ZMYND8: variants seen among roughly 807,000 people sequenced by gnomAD.
The protein encoded by ZMYND8 is zinc finger MYND-type containing 8.
ZMYND8 carries 37 observed loss-of-function variants against 140.8 expected under a neutral mutation model. The observed-to-expected ratio is 0.26, with a 90% confidence interval of 0.20 to 0.35. ZMYND8 has a LOEUF of 0.35. Among genes scored for constraint, ZMYND8 ranks in the 10% least tolerant of loss-of-function variants. ZMYND8 has a pLI of 1.00. For missense variants in ZMYND8, 1,068 were observed against 1,570.0 expected (o/e 0.68, Z 5.40); for synonymous variants, 592 against 597.1 (o/e 0.99, Z 0.12).
rs1324667888 is a variant in ZMYND8 at position 47,220,250 on chromosome 20, C to T, written c.3484+8G>A. 3 of 1,558,288 alleles carry T rather than the reference C, an allele frequency of 1.9e-6. No individual in the cohort carries two copies. The African/African-American group carries it at 4.1e-5, about 21-fold the overall frequency. On this transcript the variant is annotated splice_region_variant and intron_variant, in intron 21 of 22. Transcript: ENST00000471951. ...AAAGCACCGTTCGCCCACCAGGGGG[C>T]AACATACCAGAGCCTTGGTTGGAGC...
intron 10 of ZMYND8, among the ~76,000 whole-genome samples, chr20:47,277,006 G>A (rs752998721): frequency 3.3e-5 from 5 of 151,364 alleles, no homozygotes; most frequent in South Asian, 2.1e-4. Context: ...ACAAAACTTC[G>A]GCGAAAACAT....
At chr20:47,211,566 G>C (rs2035259508) in intron 22 of ZMYND8, among the ~76,000 whole-genome samples, 1 of 152,156 alleles carries the variant, frequency 6.6e-6, no homozygotes, top group Admixed American at 6.5e-5. Flanking sequence ...AGAAATAAGT[G>C]AAGAAGCTGA....
chr20:47,285,720 A>C, intron 8 of ZMYND8: 1 of 985,346 alleles, frequency 1.0e-6, no homozygotes, highest in Non-Finnish European at 1.2e-6. Flanking sequence ...TGCTGATAAA[A>C]CTGGGTACTA....
chr20:47,268,661 CA>C (rs1344386451), intron 11 of ZMYND8, among the ~76,000 whole-genome samples: 1 of 151,126 alleles, frequency 6.6e-6, no homozygotes, highest in Non-Finnish European at 1.5e-5. Context: ...CCTGTAACCC[CA>C]GCTGTTCAAG....
In ZMYND8 at chr20:47,262,425, G is replaced by A; in HGVS notation, c.1484C>T (p.Ser495Leu). 6.2e-7 allele frequency: 1 copy of A among 1,613,978 alleles called. No individual in the cohort carries two copies. ...SMDFLDKSTA[S>L]PASTKTGQAG... ...TTGTCCCGTCTTGGTGGAGGCTGGTGAAGCTGAAAAAGTATGGCATTGTTA... is the reference window on the plus strand; with the variant it reads ...TTGTCCCGTCTTGGTGGAGGCTGGTAAAGCTGAAAAAGTATGGCATTGTTA... Residue 495 changes from serine (S) to leucine (L), a missense_variant, in exon 12 of 23, where the codon TCA (serine) becomes TTA (leucine). Transcript: ENST00000471951.
chr20:47,332,004 C>A (rs549834145), intron 2 of ZMYND8, among the ~76,000 whole-genome samples: 1 of 152,152 alleles, frequency 6.6e-6, no homozygotes, highest in Non-Finnish European at 1.5e-5. Context: ...GAGTTCAAGA[C>A]CAGCCTGACC....
chr20:47,224,630 A>G, intron 18 of ZMYND8, 74 bp from the exon 19 acceptor site: 1 of 1,588,682 alleles, frequency 6.3e-7, no homozygotes, highest in Non-Finnish European at 8.5e-7. Flanking sequence ...CTGCCCCCAG[A>G]TTCAGGCAGA....
chr20:47,334,081 A>G (rs2081194263), intron 2 of ZMYND8, among the ~76,000 whole-genome samples: 2 of 152,220 alleles, frequency 1.3e-5, no homozygotes, highest in African/African-American at 4.8e-5. Flanking sequence ...TCTAATGCGA[A>G]GCCTATTGTA....
intron 2 of ZMYND8, chr20:47,320,241 A>C (rs1253541997): frequency 6.6e-6 from 1 of 152,252 alleles, no homozygotes; most frequent in Non-Finnish European, 1.5e-5. Context: ...GCCACTGCTA[A>C]CCAACCAAGG....
chr20:47,236,634 AC>A, intron 15 of ZMYND8, 118 bp from the exon 16 acceptor site: 1 of 1,090,116 alleles, frequency 9.2e-7, no homozygotes, highest in Non-Finnish European at 1.3e-6. Flanking sequence ...CTTTTAAATG[AC>A]AAAGATGCTC....
At position 47,212,652 on chromosome 20, in the gene ZMYND8, G is replaced by C; in HGVS notation, c.3558C>G (p.Pro1186=). ...TTDHQPHPNY[P]AQKYHSRSNK... ...CAGGTTCATACTTACACTTCTGGGC[G>C]GGGTAGTTGGGGTGCGGCTGGTGGT... is the stretch of plus-strand genomic sequence containing the variant. The change falls in exon 22 of 23, where the codon CCC becomes CCG. Residue 1186 remains proline, a synonymous_variant. Coordinates refer to ENST00000471951, the MANE Select transcript of ZMYND8 (RefSeq NM_001281775.3). The C allele has an allele frequency of 1.2e-6, 2 of 1,613,922 alleles. No homozygotes were observed. Among genetic ancestry groups the C allele is most frequent in the Non-Finnish European group, 1.7e-6 (2 of 1,179,860 alleles).
intron 2 of ZMYND8, among the ~76,000 whole-genome samples, chr20:47,317,121 T>C (rs1417405199): frequency 6.6e-6 from 1 of 151,550 alleles, no homozygotes; most frequent in Non-Finnish European, 1.5e-5. Flanking sequence ...CACACTCTCA[T>C]TTTGCCTTTT....
chr20:47,328,755 G>A (rs530446862), intron 2 of ZMYND8, among the ~76,000 whole-genome samples: 1 of 152,314 alleles, frequency 6.6e-6, no homozygotes, highest in Non-Finnish European at 1.5e-5. Flanking sequence ...ACCGTGCCTG[G>A]CCAAGTTAGT....
At chr20:47,232,768 T>C (rs1408708628) in intron 16 of ZMYND8, among the ~76,000 whole-genome samples, 3 of 152,168 alleles carry the variant, frequency 2.0e-5, no homozygotes, top group South Asian at 2.1e-4. Flanking sequence ...CACCTACTTA[T>C]ATCACTAACG....
At chr20:47,335,228 A>G (rs2081297412) in intron 2 of ZMYND8, among the ~76,000 whole-genome samples, 1 of 152,120 alleles carries the variant, frequency 6.6e-6, no homozygotes, top group African/African-American at 2.4e-5. Context: ...CTTGGGCGAC[A>G]GAGAGAGACC....
chr20:47,226,699 T>A (rs1486083247), intron 18 of ZMYND8, among the ~76,000 whole-genome samples: 2 of 152,166 alleles, frequency 1.3e-5, no homozygotes, highest in Admixed American at 1.3e-4. Context: ...GATCCCTTTA[T>A]CACAACAGTT....
rs554842900 is a variant in ZMYND8, at chr20:47,282,595, C to G, written c.883-378G>C. Among the ~76,000 whole-genome samples the G allele has an allele frequency of 1.0e-3, 153 of 152,206 alleles. 3 individuals are homozygous for G. The South Asian group carries it at 0.031, about 31-fold the overall frequency. On this transcript the variant is annotated intron_variant, in intron 9 of 22. Transcript: ENST00000471951. ...GAAACATTAACCAGGCGTGGTGGCA[C>G]ACGCCTGTAGTCCCAGTTACTCAAG...
chr20:47,275,426 G>A (rs1482270722), intron 11 of ZMYND8, among the ~76,000 whole-genome samples: 1 of 151,656 alleles, frequency 6.6e-6, no homozygotes, highest in Non-Finnish European at 1.5e-5. Context: ...CCCAGGAGGT[G>A]GAGGTTGCAG....
intron 2 of ZMYND8, among the ~76,000 whole-genome samples, chr20:47,311,317 A>G (rs2078911588): frequency 6.6e-6 from 1 of 152,082 alleles, no homozygotes; most frequent in Non-Finnish European, 1.5e-5. Flanking sequence ...ATTTAAACAC[A>G]TGTACACTTC....
Sources: gnomAD v4.1 joint callset for allele counts (sites outside exome capture counted in the v4.1 genomes callset) on GRCh38, gnomAD v4.1.1 for gene constraint, MANE v1.5 for transcripts, NCBI Gene and HGNC (gene_info 2026-07-23, HGNC 2026-07-21) for gene names.